NUDT16: variants seen among roughly 807,000 people sequenced by gnomAD.
The protein encoded by NUDT16 is nudix hydrolase 16.
NUDT16 carries 12 observed loss-of-function variants against 11.7 expected under a neutral mutation model. The observed-to-expected ratio is 1.03, with a 90% CI of 0.66 to 1.67. The LOEUF (loss-of-function observed/expected upper bound fraction) is 1.67. Among genes scored for constraint, NUDT16 ranks in the 40% most tolerant of loss-of-function variants. The pLI, the probability that NUDT16 is intolerant of heterozygous loss-of-function variation, is 0.00. For missense variants in NUDT16, 303 were observed against 268.9 expected (o/e 1.13, Z -0.89); for synonymous variants, 129 against 122.6 (o/e 1.05, Z -0.35).
chr3:131,382,061 G>C lies in NUDT16; in HGVS notation c.154G>C (p.Asp52His). The C allele has an allele frequency of 1.3e-6, 2 of 1,584,098 alleles. No individual in the cohort carries two copies. The highest frequency in any genetic ancestry group is 1.7e-6 in the Non-Finnish European group (2 of 1,163,238). Residue 52 changes from aspartate (D) to histidine (H), a missense_variant, in exon 2 of 3, where the codon GAT becomes CAT. Transcript: ENST00000521288. ...RYAILMQMRF[D>H]GRLGFPGGFV... ...CCTCCCGCAGATGCAGATGCGCTTC[G>C]ATGGACGCCTGGGCTTCCCCGGCGG... is the stretch of plus-strand genomic sequence containing the variant.
In NUDT16 at chr3:131,386,912, A is replaced by G. The variant is rs2097460273; in HGVS notation, c.*3571A>G. On this transcript the variant is annotated 3_prime_UTR_variant, in exon 3 of 3. Coordinates refer to ENST00000521288, the MANE Select transcript of NUDT16 (RefSeq NM_152395.3). ...ACAAGGGGAGGGGAAGAGAAGAGGG[A>G]AGGCATGTTTCCTATATGAGTTTCA... 1 of 152,216 alleles carries G rather than the reference A, an allele frequency of 6.6e-6. No individual in the cohort carries two copies. The highest frequency in any genetic ancestry group is 6.5e-5 in the Admixed American group (1 of 15,280). The allele number at this position is 152,216 out of a possible 1,614,324, so 9.4% of individuals were successfully genotyped here. A position where few individuals can be genotyped will look rare whatever the true frequency, so the allele number is the denominator to read the frequency against.
intron 2 of NUDT16, chr3:131,382,598 A>T: frequency 6.6e-7 from 1 of 1,513,960 alleles, no homozygotes; most frequent in South Asian, 1.2e-5. Context: ...GTGATAGATT[A>T]TCACATTATC....
rs879361732 is a variant in NUDT16 at position 131,387,537 on chromosome 3, T to C, written c.*4196T>C. ...GCTCATCCTGATGCACAGATGCAGA[T>C]TGGAGCTGCTGCCTGTGCCCTCACC... On this transcript the variant is annotated 3_prime_UTR_variant, in exon 3 of 3. Coordinates refer to ENST00000521288, the MANE Select transcript of NUDT16 (RefSeq NM_152395.3). The C allele has an allele frequency of 3.9e-5, 6 of 152,312 alleles. No individual in the cohort carries two copies. Among genetic ancestry groups the C allele is most frequent in the Admixed American group, 2.0e-4 (3 of 15,284 alleles). The allele number at this position is 152,312 out of a possible 1,614,324, so 9.4% of individuals were successfully genotyped here.
At position 131,383,376 on chromosome 3, in the gene NUDT16, G is replaced by A; in HGVS notation, c.*35G>A. On this transcript the variant is annotated 3_prime_UTR_variant, in exon 3 of 3. Coordinates refer to ENST00000521288, the MANE Select transcript of NUDT16 (RefSeq NM_152395.3). The surrounding 1 kb of genome is among the most constrained non-coding windows in gnomAD (Gnocchi z 4.4). ...TCCATGGACCCATGAAAACTGAGAT[G>A]AGGACCTTGGTACTAGGGAGGGAGG... is the stretch of plus-strand genomic sequence containing the variant. 1 of 1,612,860 alleles carries A rather than the reference G, an allele frequency of 6.2e-7. No individual in the cohort carries two copies. The highest frequency in any genetic ancestry group is 8.5e-7 in the Non-Finnish European group (1 of 1,179,678).
In NUDT16 at chr3:131,382,299, A is replaced by G; in HGVS notation, c.392A>G (p.Lys131Arg). Residue 131 changes from lysine to arginine, a missense_variant, in exon 2 of 3, where the codon AAG (lysine) becomes AGG (arginine). Lys to Arg is a conservative substitution (Grantham distance 26, BLOSUM62 2). Transcript: ENST00000521288. ...LAVEAGATRAKDHGLEVLGLV... is the reference protein window; with the variant it reads ...LAVEAGATRARDHGLEVLGLV... Reference sequence around the variant, plus strand: ...GTGGAGGCCGGCGCAACACGCGCCAAGGACCACGGGCTGGAGGTGGGACCA... The same window carrying G: ...GTGGAGGCCGGCGCAACACGCGCCAGGGACCACGGGCTGGAGGTGGGACCA... 1 of 1,612,994 alleles carries G rather than the reference A, an allele frequency of 6.2e-7. No homozygotes were observed. The highest frequency in any genetic ancestry group is 8.5e-7 in the Non-Finnish European group (1 of 1,180,008).
At position 131,388,146 on chromosome 3, in the gene NUDT16, G is replaced by A. The variant is rs1355033505; in HGVS notation, c.*4805G>A. The A allele has an allele frequency of 6.6e-6, 1 of 152,074 alleles. No individual in the cohort carries two copies. Among genetic ancestry groups the A allele is most frequent in the Non-Finnish European group, 1.5e-5 (1 of 68,024 alleles). 9.4% of individuals were successfully genotyped at this position (152,074 alleles called of 1,614,324 possible). A position where few individuals can be genotyped will look rare whatever the true frequency, so the allele number is the denominator to read the frequency against. On this transcript the variant is annotated 3_prime_UTR_variant, in exon 3 of 3. Transcript: ENST00000521288. The stretch of plus-strand genomic sequence containing the variant: ...CTTAACATTACCCTAGGAACAGCAA[G>A]AGCATCATCAGCCCCAGGAAAATCT...
chr3:131,385,916 A>G lies in NUDT16; in HGVS notation c.*2575A>G, dbSNP rs2097459678. On this transcript the variant is annotated 3_prime_UTR_variant, in exon 3 of 3. Transcript: ENST00000521288. ...GCTAACAGACCCCTTCCCTCAGGTA[A>G]TTCTGGATCCAGAACTCATTATGGG... 1 of 152,080 alleles carries G rather than the reference A, an allele frequency of 6.6e-6. No homozygotes were observed. Among genetic ancestry groups the G allele is most frequent in the Non-Finnish European group, 1.5e-5 (1 of 68,054 alleles). 9.4% of individuals were successfully genotyped at this position (152,080 alleles called of 1,614,324 possible).
chr3:131,388,358 A>C lies in NUDT16; in HGVS notation c.*5017A>C, dbSNP rs1278099665. On this transcript the variant is annotated 3_prime_UTR_variant, in exon 3 of 3. Transcript: ENST00000521288. ...GTAACAGGAACAACATTTTAGAGGA[A>C]ACAGGACAAAAACTTCCCTAAACTC... 2.0e-5 allele frequency: 3 copies of C among 152,372 alleles called. No homozygotes were observed. The highest frequency in any genetic ancestry group is 2.1e-4 in the South Asian group (1 of 4,832). The allele number at this position is 152,372 out of a possible 1,614,324, so 9.4% of individuals were successfully genotyped here.
chr3:131,382,913 C>T (rs2097456965), intron 2 of NUDT16: 10 of 601,850 alleles, frequency 1.7e-5, no homozygotes, highest in South Asian at 7.1e-5. Context: ...GGTATGAATA[C>T]ATCTTTGAGG....
chr3:131,382,752 G>T, intron 2 of NUDT16: 1 of 1,325,004 alleles, frequency 7.5e-7, no homozygotes, highest in Non-Finnish European at 9.8e-7. Flanking sequence ...TCATCGGGGC[G>T]TCTTATTAAA....
Position 131,382,225 on chromosome 3 carries a change from T to C in NUDT16, c.318T>C (p.Val106=). Residue 106 remains valine (V), a synonymous_variant, in exon 2 of 3, where the codon GTT becomes GTC. Transcript: ENST00000521288. ...RSSHVGSGPR[V]VAHFYAKRLT... ...CCCACGTCGGGTCAGGGCCACGCGTTGTGGCCCACTTCTATGCCAAGCGTC... is the reference window on the plus strand; with the variant it reads ...CCCACGTCGGGTCAGGGCCACGCGTCGTGGCCCACTTCTATGCCAAGCGTC... 1 of 1,610,284 alleles carries C rather than the reference T, an allele frequency of 6.2e-7. No individual in the cohort carries two copies. The highest frequency in any genetic ancestry group is 8.5e-7 in the Non-Finnish European group (1 of 1,178,280).
rs772328659 is a variant in NUDT16, at chr3:131,386,579, T to C, written c.*3238T>C. 6.6e-6 allele frequency: 1 copy of C among 152,196 alleles called. No homozygotes were observed. The highest frequency in any genetic ancestry group is 1.5e-5 in the Non-Finnish European group (1 of 68,044). The allele number at this position is 152,196 out of a possible 1,614,324, so 9.4% of individuals were successfully genotyped here. On this transcript the variant is annotated 3_prime_UTR_variant, in exon 3 of 3. Coordinates refer to ENST00000521288, the MANE Select transcript of NUDT16 (RefSeq NM_152395.3). ...AGCGGTATGAAAGTACAGGATGCTA[T>C]GTACTTTCCTGCTTCACAGCACATT...
In NUDT16 at chr3:131,383,796, T is replaced by C. The variant is rs1210273934; in HGVS notation, c.*455T>C. ...GCCCTCCAGGGTCTAGCCCAGCCTATTTGTTAGGGAGGATAGAGAAACAGA... is the reference window on the plus strand; with the variant it reads ...GCCCTCCAGGGTCTAGCCCAGCCTACTTGTTAGGGAGGATAGAGAAACAGA... On this transcript the variant is annotated 3_prime_UTR_variant, in exon 3 of 3. Transcript: ENST00000521288. The surrounding 1 kb of genome is among the most constrained non-coding windows in gnomAD (Gnocchi z 4.4). The C allele has an allele frequency of 6.9e-5, 18 of 259,776 alleles. No homozygotes were observed. Among genetic ancestry groups the C allele is most frequent in the Non-Finnish European group, 1.3e-4 (17 of 134,496 alleles). 16.1% of individuals were successfully genotyped at this position (259,776 alleles called of 1,614,324 possible). A position where few individuals can be genotyped will look rare whatever the true frequency, so the allele number is the denominator to read the frequency against.
chr3:131,385,970 T>A lies in NUDT16; in HGVS notation c.*2629T>A, dbSNP rs1339892834. 1.3e-5 allele frequency: 2 copies of A among 152,232 alleles called. No homozygotes were observed. The highest frequency in any genetic ancestry group is 2.9e-5 in the Non-Finnish European group (2 of 68,060). 9.4% of individuals were successfully genotyped at this position (152,232 alleles called of 1,614,324 possible). ...TAATCCAGGTCAACACTAATACCAC[T>A]TGGAAGGTTCCGCTCTGTCTCACTC... On this transcript the variant is annotated 3_prime_UTR_variant, in exon 3 of 3. Transcript: ENST00000521288.
chr3:131,384,228 G>A lies in NUDT16; in HGVS notation c.*887G>A, dbSNP rs2097457996. 6.6e-6 allele frequency: 1 copy of A among 152,328 alleles called. No individual in the cohort carries two copies. The highest frequency in any genetic ancestry group is 1.9e-4 in the East Asian group (1 of 5,198). The allele number at this position is 152,328 out of a possible 1,614,324, so 9.4% of individuals were successfully genotyped here. A position where few individuals can be genotyped will look rare whatever the true frequency, so the allele number is the denominator to read the frequency against. ...GCCCAATCCTAAAAGTTTGGGCAGA[G>A]GGAACCAGGCACGTTAAAGAAGACA... On this transcript the variant is annotated 3_prime_UTR_variant, in exon 3 of 3. Transcript: ENST00000521288.
chr3:131,381,893 C>G lies in NUDT16; in HGVS notation c.89C>G (p.Pro30Arg). 4 of 1,610,410 alleles carry G rather than the reference C, an allele frequency of 2.5e-6. No individual in the cohort carries two copies. ...GCGTGCCACGCTCTCCTCTACGCGC[C>G]GGACCCTGGGATGCTCTTCGGCCGC... ...RHACHALLYA[P>R]DPGMLFGRIP... is the part of the protein sequence containing the mutation. Residue 30 changes from proline (P) to arginine (R), a missense_variant, in exon 1 of 3, where the codon CCG becomes CGG. By Grantham distance (103) the Pro-to-Arg change is moderately radical. Transcript: ENST00000521288.
At chr3:131,382,643 T>G in intron 2 of NUDT16, 4 of 1,459,276 alleles carry the variant, frequency 2.7e-6, no homozygotes, top group Non-Finnish European at 3.6e-6. Context: ...TCTTGGGGTT[T>G]GCTTTTCTTG....
Position 131,381,803 on chromosome 3 carries a change from C to T in NUDT16, c.-2C>T, listed in dbSNP as rs899517938. The stretch of plus-strand genomic sequence containing the variant: ...GGGACAGCAGAGGAGCAGTGTCCGG[C>T]CATGGCCGGAGCCCGCAGGCTGGAG... On this transcript the variant is annotated 5_prime_UTR_variant, in exon 1 of 3. Transcript: ENST00000521288. The T allele has an allele frequency of 3.9e-6, 6 of 1,549,588 alleles. No individual in the cohort carries two copies. The highest frequency in any genetic ancestry group is 1.2e-5 in the South Asian group (1 of 85,988).
intron 2 of NUDT16, chr3:131,382,686 G>A: frequency 7.0e-7 from 1 of 1,436,906 alleles, no homozygotes; most frequent in South Asian, 1.5e-5. Flanking sequence ...TTTCAGGCAG[G>A]GCTAGTAGAT....
Sources: allele counts gnomAD v4.1 joint callset, GRCh38; gene constraint gnomAD v4.1.1; non-coding constraint Gnocchi (gnomAD v3.1); transcripts MANE v1.5; gene names NCBI Gene and HGNC (gene_info 2026-07-23, HGNC 2026-07-21).